The following TRERF1 variants were observed in gnomAD, a reference collection of about 807,000 sequenced individuals.
The protein encoded by TRERF1 is transcriptional-regulating factor 1.
TRERF1 carries 27 observed loss-of-function variants against 122.9 expected under a neutral mutation model. That is an observed-to-expected ratio of 0.22 (90% CI 0.16 to 0.30). The LOEUF (loss-of-function observed/expected upper bound fraction) is 0.30, where lower values mean the gene tolerates loss of function less well. Among genes scored for constraint, TRERF1 ranks in the 10% least tolerant of loss-of-function variants. The pLI, the probability that TRERF1 is intolerant of heterozygous loss-of-function variation, is 1.00. For missense variants in TRERF1, 1,248 were observed against 1,560.3 expected (o/e 0.80, Z 3.37); for synonymous variants, 636 against 641.7 (o/e 0.99, Z 0.13).
Position 42,446,820 on chromosome 6 carries a change from T to A in TRERF1, c.-454+4357A>T, listed in dbSNP as rs142766666. Among the ~76,000 whole-genome samples the A allele has an allele frequency of 4.6e-5, 7 of 152,242 alleles. No individual in the cohort carries two copies. The East Asian group carries it at 9.7e-4, about 21-fold the overall frequency. On this transcript the variant is annotated intron_variant, in intron 2 of 17. Transcript: ENST00000372922. ...GAGTTCAAGACCAGCCTGGTCAACA[T>A]GGTGAAACCCTGTCTCTACTAAAAT...
At chr6:42,247,119 G>A (rs568134610) in intron 13 of TRERF1, among the ~76,000 whole-genome samples, 3 of 152,200 alleles carry the variant, frequency 2.0e-5, no homozygotes, top group Non-Finnish European at 4.4e-5. Context: ...CCACACTCAG[G>A]TTAGGGCCAG....
intron 2 of TRERF1, among the ~76,000 whole-genome samples, chr6:42,428,904 C>T (rs1784056900): frequency 6.6e-6 from 1 of 152,178 alleles, no homozygotes; most frequent in African/African-American, 2.4e-5. Flanking sequence ...TCCCAGGAAC[C>T]CACAGATAGA....
intron 2 of TRERF1, among the ~76,000 whole-genome samples, chr6:42,438,876 C>T (rs776543938): frequency 7.9e-5 from 12 of 152,190 alleles, no homozygotes; most frequent in Non-Finnish European, 1.0e-4. Context: ...ACACAGCATA[C>T]GGCCTGCCCT....
chr6:42,309,499 T>C (rs909500111), intron 3 of TRERF1, among the ~76,000 whole-genome samples: 3 of 152,258 alleles, frequency 2.0e-5, no homozygotes, highest in African/African-American at 7.2e-5. Flanking sequence ...CTGTGTTATA[T>C]GTGCAAAATG....
Position 42,268,739 on chromosome 6 carries a change from G to A in TRERF1, c.852C>T (p.Ser284=). The change falls in exon 5 of 18, where the codon TCC becomes TCT. Residue 284 remains serine (S), a synonymous_variant. Coordinates refer to ENST00000372922, the Ensembl canonical transcript of TRERF1. This position sits in a 1 kb window ranked among gnomAD's most constrained non-coding sequence, Gnocchi z 4.4. Reference sequence around the variant, plus strand: ...GCGGCTGCGTCTGTATTTCTTGCATGGAGATACGCTGTTGCCCGGCTTGCT... The same window carrying A: ...GCGGCTGCGTCTGTATTTCTTGCATAGAGATACGCTGTTGCCCGGCTTGCT... 1 of 1,614,204 alleles carries A rather than the reference G, an allele frequency of 6.2e-7. No homozygotes were observed. The highest frequency in any genetic ancestry group is 1.1e-5 in the South Asian group (1 of 91,082).
intron 3 of TRERF1, among the ~76,000 whole-genome samples, chr6:42,362,468 T>C (rs1771951352): frequency 1.3e-5 from 2 of 152,192 alleles, no homozygotes; most frequent in South Asian, 2.1e-4. Context: ...CTACTGACCC[T>C]TGAAACAGCT....
chr6:42,360,770 TTA>T (rs750237466), intron 3 of TRERF1, among the ~76,000 whole-genome samples: 6,320 of 63,754 alleles, frequency 0.099, 582 homozygotes, highest in African/African-American at 0.18. Flanking sequence ...AGTGGAGAGA[TTA>T]AAAAAAAAAA....
chr6:42,343,078 A>C (rs1333518724), intron 3 of TRERF1, among the ~76,000 whole-genome samples: 2 of 152,190 alleles, frequency 1.3e-5, no homozygotes, highest in Non-Finnish European at 2.9e-5. Context: ...CAACACCCTG[A>C]TGCCATTTCT....
rs760428743 is a variant in TRERF1, at chr6:42,268,944, A to C, written c.647T>G (p.Leu216Arg). Residue 216 changes from leucine (L) to arginine (R), a missense_variant, in exon 5 of 18, where the codon CTG becomes CGG. Leu to Arg is a moderately radical substitution (Grantham distance 102). Coordinates refer to ENST00000372922, the Ensembl canonical transcript of TRERF1. This position sits in a 1 kb window ranked among gnomAD's most constrained non-coding sequence, Gnocchi z 4.4. ...CCCGACCTGAAGAGCTGGTTTGGACAGCCCACCAGTGAAACCAGGGTGAGG... is the reference window on the plus strand; with the variant it reads ...CCCGACCTGAAGAGCTGGTTTGGACCGCCCACCAGTGAAACCAGGGTGAGG... 1.2e-6 allele frequency: 2 copies of C among 1,611,970 alleles called. No homozygotes were observed. Among genetic ancestry groups the C allele is most frequent in the South Asian group, 2.2e-5 (2 of 91,014 alleles).
intron 2 of TRERF1, among the ~76,000 whole-genome samples, chr6:42,434,668 C>CCACACAGACACACACACA (rs1554218672): frequency 2.2e-4 from 25 of 115,016 alleles, no homozygotes; most frequent in African/African-American, 5.7e-4. Context: ...ACACCCTCCA[C>CCACACAGACACACACACA]CACACACACA....
At chr6:42,312,755 C>T (rs967811151) in intron 3 of TRERF1, among the ~76,000 whole-genome samples, 15 of 152,210 alleles carry the variant, frequency 9.9e-5, no homozygotes, top group African/African-American at 3.6e-4. Context: ...CGACTCCACA[C>T]ACATGCACTG....
chr6:42,303,276 A>G (rs1407987674), intron 3 of TRERF1, among the ~76,000 whole-genome samples: 1 of 152,234 alleles, frequency 6.6e-6, no homozygotes, highest in Non-Finnish European at 1.5e-5. Context: ...TTAACAAATT[A>G]GAGATAACTA....
intron 14 of TRERF1, 120 bp downstream of exon 14, chr6:42,246,336 G>T: frequency 1.3e-6 from 1 of 780,242 alleles, no homozygotes; most frequent in Non-Finnish European, 2.1e-6. Context: ...CCTCACCAGC[G>T]AGTGTGGAAG....
intron 8 of TRERF1, among the ~76,000 whole-genome samples, chr6:42,261,513 T>G (rs917318297): frequency 2.0e-5 from 3 of 150,546 alleles, no homozygotes; most frequent in Non-Finnish European, 1.5e-5. Context: ...GGCCAAGCAC[T>G]GAAAACTTTA....
chr6:42,293,373 C>A lies in TRERF1; in HGVS notation c.-259+7265G>T, dbSNP rs1784598790. ...AAGCCAACTCAAGGGAGATGAGAAC[C>A]AAAGGCGCCCGGTCCCAGGCCAAAG... On this transcript the variant is annotated intron_variant, in intron 4 of 17. Coordinates refer to ENST00000372922, the Ensembl canonical transcript of TRERF1. Among the ~76,000 whole-genome samples, 3 of 152,250 alleles carry A rather than the reference C, an allele frequency of 2.0e-5. No individual in the cohort carries two copies. The South Asian group carries it at 6.2e-4, about 32-fold the overall frequency.
intron 2 of TRERF1, among the ~76,000 whole-genome samples, chr6:42,436,820 T>A (rs889627251): frequency 0.011 from 1,399 of 124,900 alleles, 23 homozygotes; most frequent in African/African-American, 0.041. Context: ...AAAAAATATA[T>A]ATATATATAT....
At position 42,325,147 on chromosome 6, in the gene TRERF1, G is replaced by A. The variant is rs377620998; in HGVS notation, c.-370-24398C>T. ...ACATACAAGTGGCCAAAAAGCATAT[G>A]AAAAAAATGCTCAACATCGCTAATC... On this transcript the variant is annotated intron_variant, in intron 3 of 17. Transcript: ENST00000372922. Among the ~76,000 whole-genome samples, 106 of 152,214 alleles carry A rather than the reference G, an allele frequency of 7.0e-4. 1 individual carries two copies. The South Asian group carries it at 8.1e-3, about 12-fold the overall frequency.
exon 18 of TRERF1, chr6:42,227,122 G>C (rs957283120): frequency 2.0e-5 from 3 of 152,242 alleles, no homozygotes; most frequent in African/African-American, 7.2e-5. Context: ...AGTCATGGAG[G>C]TTGGAGAAGT....
intron 3 of TRERF1, among the ~76,000 whole-genome samples, chr6:42,321,133 G>T (rs1275602399): frequency 2.8e-5 from 4 of 143,580 alleles, no homozygotes; most frequent in Non-Finnish European, 4.5e-5. Context: ...AGGCAGCCAG[G>T]TTATCTATTC....
Sources: allele counts gnomAD v4.1 joint callset (sites outside exome capture counted in the v4.1 genomes callset), GRCh38; gene constraint gnomAD v4.1.1; non-coding constraint Gnocchi (gnomAD v3.1); transcripts MANE v1.5; gene names NCBI Gene and HGNC (gene_info 2026-07-23, HGNC 2026-07-21).